The following AGBL1 variants were observed in gnomAD, a reference collection of about 807,000 sequenced individuals.
The protein encoded by AGBL1 is cytosolic carboxypeptidase 4.
Under a neutral mutation model 118.9 loss-of-function variants are expected in AGBL1, and 130 were observed. That is an observed-to-expected ratio of 1.09 (90% CI 0.95 to 1.26). AGBL1 has a LOEUF of 1.26. Among genes scored for constraint, AGBL1 ranks in the 50% most tolerant of loss-of-function variants. The pLI is 0.00. For synonymous variants in AGBL1, 555 were observed against 478.9 expected, an observed-to-expected ratio of 1.16 and a Z score of -2.08; for missense variants, 1,584 against 1,298.1, an observed-to-expected ratio of 1.22 and a Z score of -3.38.
At chr15:86,761,283 A>G (rs916897043) in intron 22 of AGBL1, among the ~76,000 whole-genome samples, 1 of 152,102 alleles carries the variant, frequency 6.6e-6, no homozygotes, top group Non-Finnish European at 1.5e-5. Flanking sequence ...GAAACCTGAC[A>G]TATACAAAAA....
intron 6 of AGBL1, among the ~76,000 whole-genome samples, chr15:86,243,393 G>C (rs533912548): frequency 1.3e-5 from 2 of 152,142 alleles, no homozygotes; most frequent in South Asian, 4.2e-4. Flanking sequence ...ACTAGGTCCC[G>C]TTTCAGACTG....
intron 22 of AGBL1, among the ~76,000 whole-genome samples, chr15:86,781,846 GA>G (rs926201816): frequency 2.0e-5 from 3 of 151,762 alleles, no homozygotes; most frequent in Non-Finnish European, 4.4e-5. Context: ...ATGACACTCT[GA>G]TCATCTACTG....
At chr15:86,296,549 TG>T (rs2079646012) in intron 17 of AGBL1, 1 of 152,212 alleles carries the variant, frequency 6.6e-6, no homozygotes, top group Non-Finnish European at 1.5e-5. Context: ...CCTGATGAAG[TG>T]CTAGCCTCAT....
At chr15:86,464,693 A>G (rs2142091645) in intron 18 of AGBL1, among the ~76,000 whole-genome samples, 1 of 152,264 alleles carries the variant, frequency 6.6e-6, no homozygotes, top group South Asian at 2.1e-4. Context: ...ATCTATTGAG[A>G]TAATCATGTG....
intron 17 of AGBL1, among the ~76,000 whole-genome samples, chr15:86,371,781 G>T (rs1042788066): frequency 7.9e-5 from 12 of 152,132 alleles, no homozygotes; most frequent in African/African-American, 2.9e-4. Context: ...GTGGTGAGGG[G>T]AAAGGCTAAG....
chr15:86,586,632 C>T (rs372062519), intron 21 of AGBL1, among the ~76,000 whole-genome samples: 6 of 152,180 alleles, frequency 3.9e-5, no homozygotes, highest in South Asian at 4.1e-4. Context: ...CTAAAGCAGT[C>T]GGGTTACAGT....
chr15:86,084,302 GCTT>G (rs1895488706), intron 1 of AGBL1, among the ~76,000 whole-genome samples: 1 of 152,280 alleles, frequency 6.6e-6, no homozygotes, highest in South Asian at 2.1e-4. Context: ...TACTTTCACA[GCTT>G]CTTACATTTC....
rs71144048 is a variant in AGBL1, at chr15:86,509,946, A to ATTTTT, written c.2556-12853_2556-12849dup. ...AAGTGTCAAAACAAGGCTGAAGCTC[A>ATTTTT]TTTTTTTTTTTTTTTCCTGATTTCT... On this transcript the variant is annotated intron_variant, in intron 18 of 22. Transcript: ENST00000614907. Among the ~76,000 whole-genome samples, 594 of 142,876 alleles carry ATTTTT rather than the reference A, an allele frequency of 4.2e-3. 3 individuals carry two copies. The highest frequency in any genetic ancestry group is 0.014 in the African/African-American group (568 of 39,422). The allele number at this position is 142,876 out of a possible 152,430, so 93.7% of individuals were successfully genotyped here. A position where few individuals can be genotyped will look rare whatever the true frequency, so the allele number is the denominator to read the frequency against.
intron 17 of AGBL1, among the ~76,000 whole-genome samples, chr15:86,379,023 C>T (rs2081076212): frequency 1.3e-5 from 2 of 152,120 alleles, no homozygotes; most frequent in South Asian, 4.2e-4. Context: ...AGCAATTCTC[C>T]TGCCTCAGCC....
chr15:86,208,817 C>G (rs987747779), intron 5 of AGBL1, among the ~76,000 whole-genome samples: 6 of 152,232 alleles, frequency 3.9e-5, no homozygotes, highest in Admixed American at 3.3e-4. Context: ...GTCTCTATCT[C>G]CTTCGGTTCT....
intron 22 of AGBL1, among the ~76,000 whole-genome samples, chr15:86,823,933 A>G (rs2078973922): frequency 6.6e-6 from 1 of 152,110 alleles, no homozygotes; most frequent in South Asian, 2.1e-4. Flanking sequence ...TACCTCAACA[A>G]TAAAAGGCAT....
chr15:86,626,982 T>G (rs867644656), intron 21 of AGBL1, among the ~76,000 whole-genome samples: 24 of 148,682 alleles, frequency 1.6e-4, no homozygotes, highest in Admixed American at 4.0e-4. Context: ...GGACTACAGG[T>G]GCCTGCCACA....
chr15:86,792,719 A>AT (rs1440831929), intron 22 of AGBL1, among the ~76,000 whole-genome samples: 1 of 152,072 alleles, frequency 6.6e-6, no homozygotes, highest in Non-Finnish European at 1.5e-5. Flanking sequence ...AGATGGGAGG[A>AT]TTGCTTGATC....
At chr15:86,593,679 T>C (rs769940680) in intron 21 of AGBL1, among the ~76,000 whole-genome samples, 5 of 152,194 alleles carry the variant, frequency 3.3e-5, no homozygotes, top group Non-Finnish European at 5.9e-5. Flanking sequence ...TCAAAGTATA[T>C]ACCACTGAAA....
intron 19 of AGBL1, among the ~76,000 whole-genome samples, chr15:86,542,136 G>A (rs1021478026): frequency 2.0e-5 from 3 of 152,188 alleles, no homozygotes; most frequent in African/African-American, 7.2e-5. Flanking sequence ...TCTACATTTA[G>A]TAAGGTCAAG....
At position 86,191,365 on chromosome 15, in the gene AGBL1, A is replaced by C. The variant is rs2077718012; in HGVS notation, c.488+32339A>C. ...CTTTGTCTCAAAAAAAAAAAAAAAA[A>C]AAAAAGAGAGAGAGAGAAATTAAGA... On this transcript the variant is annotated intron_variant, in intron 5 of 22. Transcript: ENST00000614907. 8.6e-5 allele frequency among the ~76,000 whole-genome samples: 13 copies of C among 150,784 alleles called. No individual in the cohort carries two copies. In the South Asian group the frequency reaches 2.8e-3, roughly 32 times the overall value.
intron 1 of AGBL1, among the ~76,000 whole-genome samples, chr15:86,095,098 A>G (rs530956241): frequency 8.0e-6 from 1 of 124,546 alleles, no homozygotes; most frequent in East Asian, 1.9e-4. Flanking sequence ...ATGAATAGTC[A>G]GATGGAGAGG....
chr15:86,346,171 C>T (rs979294060), intron 17 of AGBL1, among the ~76,000 whole-genome samples: 1 of 151,410 alleles, frequency 6.6e-6, no homozygotes, highest in Non-Finnish European at 1.5e-5. Flanking sequence ...TTAGTAGAGA[C>T]GGGGTTTCAC....
intron 24 of AGBL1, among the ~76,000 whole-genome samples, chr15:87,014,473 C>T (rs916749498): frequency 3.9e-5 from 6 of 152,104 alleles, no homozygotes; most frequent in East Asian, 1.9e-4. Context: ...CTTGGCATTC[C>T]TTAGAAGAAA....
Sources: allele counts gnomAD v4.1 joint callset (sites outside exome capture counted in the v4.1 genomes callset), GRCh38; gene constraint gnomAD v4.1.1; transcripts MANE v1.5; gene names NCBI Gene and HGNC (gene_info 2026-07-23, HGNC 2026-07-21).